FERRY3: variants seen among roughly 807,000 people sequenced by gnomAD.
The protein encoded by FERRY3 is protein C12orf4.
chr12:4,495,415 C>G, the FERRY3 span, among the ~76,000 whole-genome samples: 1 of 152,076 alleles, frequency 6.6e-6, no homozygotes, highest in Non-Finnish European at 1.5e-5. Context: ...CTGACAGTAA[C>G]TTTTCTTATA....
the FERRY3 span, among the ~76,000 whole-genome samples, chr12:4,519,508 C>T: frequency 9.9e-5 from 15 of 152,186 alleles, no homozygotes; most frequent in African/African-American, 3.4e-4. The surrounding 1 kb of genome is among the most constrained non-coding windows in gnomAD (Gnocchi z 4.3). Context: ...GTGGTATATG[C>T]TGAGGATGAT....
At chr12:4,527,690 A>C in the FERRY3 span, among the ~76,000 whole-genome samples, 4 of 152,178 alleles carry the variant, frequency 2.6e-5, no homozygotes, top group Non-Finnish European at 2.9e-5. Context: ...CTTTGCAATA[A>C]ATATTACCTA....
the FERRY3 span, among the ~76,000 whole-genome samples, chr12:4,522,035 A>C: frequency 6.6e-6 from 1 of 152,370 alleles, no homozygotes; most frequent in South Asian, 2.1e-4. Context: ...CAATGGCAAG[A>C]GTGAGCCCTA....
At chr12:4,520,712 C>T in the FERRY3 span, among the ~76,000 whole-genome samples, 1 of 152,156 alleles carries the variant, frequency 6.6e-6, no homozygotes, top group Non-Finnish European at 1.5e-5. Context: ...CTTAGAATCA[C>T]CACTCAAGAA....
chr12:4,492,721 T>A, the FERRY3 span, among the ~76,000 whole-genome samples: 3 of 152,126 alleles, frequency 2.0e-5, no homozygotes, highest in Admixed American at 2.0e-4. Flanking sequence ...CTATCTAGTG[T>A]CCTGAATTCT....
chr12:4,529,237 T>C, the FERRY3 span, among the ~76,000 whole-genome samples: 1 of 152,208 alleles, frequency 6.6e-6, no homozygotes, highest in Non-Finnish European at 1.5e-5. Flanking sequence ...GTTTGTATAC[T>C]GTGTTAAGTA....
chr12:4,504,094 G>T, the FERRY3 span, among the ~76,000 whole-genome samples: 1 of 152,218 alleles, frequency 6.6e-6, no homozygotes, highest in African/African-American at 2.4e-5. Flanking sequence ...ATAACTGAAG[G>T]TGGGAGGAAA....
chr12:4,509,593 G>C, the FERRY3 span, among the ~76,000 whole-genome samples: 1 of 146,810 alleles, frequency 6.8e-6, no homozygotes, highest in South Asian at 2.1e-4. Flanking sequence ...CCTGACCCCT[G>C]ACCCCCGAGC....
At chr12:4,530,101 T>C in the FERRY3 span, 1 of 1,514,826 alleles carries the variant, frequency 6.6e-7, no homozygotes, top group Non-Finnish European at 9.0e-7. Context: ...TATTTTTATT[T>C]AACACACTAC....
the FERRY3 span, among the ~76,000 whole-genome samples, chr12:4,515,431 C>T: frequency 3.9e-5 from 6 of 152,204 alleles, no homozygotes; most frequent in Middle Eastern, 3.2e-3. Flanking sequence ...TACACACATA[C>T]ACAAACAGAC....
chr12:4,527,013 T>C, the FERRY3 span, among the ~76,000 whole-genome samples: 1 of 152,146 alleles, frequency 6.6e-6, no homozygotes, highest in South Asian at 2.1e-4. Flanking sequence ...GATGACTCCA[T>C]TAACTTTTAA....
At chr12:4,517,026 A>G in the FERRY3 span, 70 of 1,463,762 alleles carry the variant, frequency 4.8e-5, no homozygotes, top group Non-Finnish European at 5.9e-5. Flanking sequence ...TACAGTGATT[A>G]TAGACAGAAT....
the FERRY3 span, among the ~76,000 whole-genome samples, chr12:4,515,799 G>C: frequency 6.6e-6 from 1 of 152,148 alleles, no homozygotes; most frequent in African/African-American, 2.4e-5. Flanking sequence ...CAGATCTTAA[G>C]TGTTCTCACC....
chr12:4,521,054 T>TA, the FERRY3 span, among the ~76,000 whole-genome samples: 2 of 151,778 alleles, frequency 1.3e-5, no homozygotes, highest in East Asian at 1.9e-4. Flanking sequence ...AGTAATCAGT[T>TA]AAAAAAAAGA....
At chr12:4,511,275 CCACA>C in the FERRY3 span, among the ~76,000 whole-genome samples, 1 of 150,846 alleles carries the variant, frequency 6.6e-6, no homozygotes, top group Non-Finnish European at 1.5e-5. Context: ...ACTTAGACTC[CCACA>C]CATTAATAAT....
At chr12:4,536,232 C>A in the FERRY3 span, 4 of 1,427,626 alleles carry the variant, frequency 2.8e-6, no homozygotes, top group South Asian at 5.5e-5. Context: ...AACAAAAAAG[C>A]AGTAGGTTAT....
the FERRY3 span, among the ~76,000 whole-genome samples, chr12:4,504,378 C>T: frequency 6.6e-6 from 1 of 152,014 alleles, no homozygotes; most frequent in African/African-American, 2.4e-5. Context: ...TACAAATAGT[C>T]CTTGTTATGT....
At chr12:4,522,630 C>T in the FERRY3 span, among the ~76,000 whole-genome samples, 1 of 152,254 alleles carries the variant, frequency 6.6e-6, no homozygotes, top group African/African-American at 2.4e-5. Context: ...GTTAAATGTA[C>T]ACTTACCATA....
At chr12:4,519,405 CACT>C in the FERRY3 span, among the ~76,000 whole-genome samples, 1 of 152,172 alleles carries the variant, frequency 6.6e-6, no homozygotes, top group Non-Finnish European at 1.5e-5. This position sits in a 1 kb window ranked among gnomAD's most constrained non-coding sequence, Gnocchi z 4.3. Flanking sequence ...ATTCTCCTCC[CACT>C]AAACTGCCTT....
Sources: gnomAD v4.1 joint callset for allele counts (sites outside exome capture counted in the v4.1 genomes callset) on GRCh38, gnomAD v4.1.1 for gene constraint, Gnocchi (gnomAD v3.1) non-coding constraint, MANE v1.5 for transcripts, NCBI Gene and HGNC (gene_info 2026-07-23, HGNC 2026-07-21) for gene names.